SHROOM3: variants seen among roughly 807,000 people sequenced by gnomAD.
SHROOM3 encodes protein Shroom3.
SHROOM3 carries 47 observed loss-of-function variants against 138.6 expected under a neutral mutation model. The observed-to-expected ratio is 0.34, with a 90% CI of 0.27 to 0.43. The LOEUF (loss-of-function observed/expected upper bound fraction) is 0.43, where lower values mean the gene tolerates loss of function less well. Among genes scored for constraint, SHROOM3 ranks in the 20% least tolerant of loss-of-function variants. SHROOM3 has a pLI of 1.00. For missense variants in SHROOM3, 2,491 were observed against 2,596.5 expected (o/e 0.96, Z 0.88); for synonymous variants, 1,062 against 1,063.3 (o/e 1.00, Z 0.02).
chr4:76,573,894 G>A (rs759181703), intron 2 of SHROOM3, among the ~76,000 whole-genome samples: 15 of 152,290 alleles, frequency 9.8e-5, no homozygotes, highest in South Asian at 2.1e-4. Flanking sequence ...GCTGGTTGCC[G>A]TCTGATGTCT....
chr4:76,628,403 C>T (rs1444450066), intron 2 of SHROOM3, among the ~76,000 whole-genome samples: 1 of 152,084 alleles, frequency 6.6e-6, no homozygotes, highest in Admixed American at 6.6e-5. Flanking sequence ...TTGGATCTCT[C>T]ATGTGTTTCT....
At chr4:76,658,150 G>T (rs538435464) in intron 2 of SHROOM3, among the ~76,000 whole-genome samples, 2 of 152,348 alleles carry the variant, frequency 1.3e-5, no homozygotes, top group East Asian at 3.9e-4. Context: ...GGAAAGCACA[G>T]ATCAGATCTG....
At chr4:76,494,987 C>A (rs1225183439) in intron 1 of SHROOM3, among the ~76,000 whole-genome samples, 1 of 152,202 alleles carries the variant, frequency 6.6e-6, no homozygotes, top group Non-Finnish European at 1.5e-5. Context: ...TTCAGAACAG[C>A]TTTCTTCTAT....
intron 1 of SHROOM3, among the ~76,000 whole-genome samples, chr4:76,454,572 C>G (rs1462138002): frequency 6.6e-6 from 1 of 152,094 alleles, no homozygotes; most frequent in Non-Finnish European, 1.5e-5. Context: ...TAGCTTTGTA[C>G]TAAGTAAATT....
intron 2 of SHROOM3, chr4:76,559,251 C>T (rs901584025): frequency 2.0e-5 from 3 of 152,178 alleles, no homozygotes; most frequent in Non-Finnish European, 2.9e-5. Flanking sequence ...ATCAACACGC[C>T]TCCAGAGACA....
rs1204367957 is a variant in SHROOM3, at chr4:76,576,899, T to C, written c.323+21136T>C. ...TTTTAAAAATAAAAATAAAGGACTT[T>C]GGTGATTAAAGCAAAAATAAAAACT... On this transcript the variant is annotated intron_variant, in intron 2 of 10. Transcript: ENST00000296043. 6.6e-5 allele frequency among the ~76,000 whole-genome samples: 10 copies of C among 152,090 alleles called. No homozygotes were observed. The South Asian group carries it at 1.7e-3, about 25-fold the overall frequency.
chr4:76,459,521 G>A (rs1412806935), intron 1 of SHROOM3, among the ~76,000 whole-genome samples: 1 of 152,082 alleles, frequency 6.6e-6, no homozygotes, highest in Admixed American at 6.5e-5. Context: ...TCGATTTGCC[G>A]TCAGGCCTCA....
rs1475238857 is a variant in SHROOM3 at position 76,710,243 on chromosome 4, G to A, written c.411G>A (p.Arg137=). The A allele has an allele frequency of 6.2e-7, 1 of 1,614,120 alleles. No individual in the cohort carries two copies. Among genetic ancestry groups the A allele is most frequent in the Non-Finnish European group, 8.5e-7 (1 of 1,179,998 alleles). The change falls in exon 3 of 11, where the codon AGG becomes AGA. Residue 137 remains arginine, a synonymous_variant. Coordinates refer to ENST00000296043, the MANE Select transcript of SHROOM3 (RefSeq NM_020859.4). ...ACCTCACCTCTGGCCCCCAGCACAG[G>A]AAAGCAGCGTGGTCAGGAGGGGTTA... ...PEHLTSGPQH[R]KAAWSGGVKL... is the part of the protein sequence containing the mutation.
Position 76,739,378 on chromosome 4 carries a change from G to C in SHROOM3, c.1205G>C (p.Ser402Thr). 1 of 1,614,106 alleles carries C rather than the reference G, an allele frequency of 6.2e-7. No homozygotes were observed. The highest frequency in any genetic ancestry group is 1.6e-4 in the Middle Eastern group (1 of 6,062). Residue 402 changes from serine to threonine, a missense_variant, in exon 5 of 11, where the codon AGC becomes ACC. By Grantham distance (58) the Ser-to-Thr change is moderately conservative. This residue lies in a region of SHROOM3 where 1,733 missense variants were observed against 1,661.6 expected (regional missense o/e 1.04). Transcript: ENST00000296043. ...YAAFRHRERPSSWSSLDQKRL... is the reference protein window; with the variant it reads ...YAAFRHRERPTSWSSLDQKRL... ...GCATTTCGGCACCGTGAGCGGCCCAGCTCCTGGTCTAGCCTTGATCAGAAA... is the reference window on the plus strand; with the variant it reads ...GCATTTCGGCACCGTGAGCGGCCCACCTCCTGGTCTAGCCTTGATCAGAAA...
chr4:76,689,441 G>A, intron 2 of SHROOM3: 1 of 831,306 alleles, frequency 1.2e-6, no homozygotes, highest in Non-Finnish European at 1.4e-6. Flanking sequence ...GGGACGAGAG[G>A]TGGGCGAGCG....
chr4:76,584,623 C>T (rs1453818894), intron 2 of SHROOM3, among the ~76,000 whole-genome samples: 4 of 152,198 alleles, frequency 2.6e-5, no homozygotes, highest in Non-Finnish European at 5.9e-5. Context: ...AAACGTCAAA[C>T]ATGACCATTC....
intron 2 of SHROOM3, among the ~76,000 whole-genome samples, chr4:76,705,279 A>G (rs1476910507): frequency 1.3e-5 from 2 of 151,984 alleles, no homozygotes; most frequent in East Asian, 1.9e-4. Flanking sequence ...AGACCAGCTC[A>G]GGCAATGTAG....
intron 7 of SHROOM3, 119 bp from the exon 8 acceptor site, chr4:76,756,329 CA>C: frequency 8.5e-7 from 1 of 1,182,018 alleles, no homozygotes; most frequent in South Asian, 1.4e-5. Flanking sequence ...TGGAAAGCTA[CA>C]GCCCTGATGT....
chr4:76,736,017 G>T (rs1721060445), intron 4 of SHROOM3, among the ~76,000 whole-genome samples: 1 of 151,130 alleles, frequency 6.6e-6, no homozygotes, highest in South Asian at 2.1e-4. Context: ...TTCAATGAAA[G>T]ACTGCTAAAA....
At chr4:76,527,142 A>G (rs947739861) in intron 1 of SHROOM3, among the ~76,000 whole-genome samples, 7 of 152,192 alleles carry the variant, frequency 4.6e-5, no homozygotes, top group African/African-American at 1.7e-4. Flanking sequence ...AAGATCCATT[A>G]TGTAGAGGTC....
intron 2 of SHROOM3, among the ~76,000 whole-genome samples, chr4:76,627,363 GCCA>G (rs1735176355): frequency 3.9e-5 from 6 of 152,154 alleles, no homozygotes; most frequent in Admixed American, 3.9e-4. Context: ...CAACCCAACA[GCCA>G]TGTCTTTAGA....
At position 76,511,189 on chromosome 4, in the gene SHROOM3, AAT is replaced by A. The variant is rs1491561897; in HGVS notation, c.169-44418_169-44417del. Among the ~76,000 whole-genome samples the A allele has an allele frequency of 5.0e-5, 7 of 140,704 alleles. No homozygotes were observed. In the East Asian group the frequency reaches 6.2e-4, roughly 13 times the overall value. 92.3% of individuals were successfully genotyped at this position (140,704 alleles called of 152,430 possible). On this transcript the variant is annotated intron_variant, in intron 1 of 10. Coordinates refer to ENST00000296043, the MANE Select transcript of SHROOM3 (RefSeq NM_020859.4). ...AAGAGGGAAACTCCATCTCAAAAAT[AAT>A]AATAATAATAATAATAATGCCACAG...
intron 1 of SHROOM3, among the ~76,000 whole-genome samples, chr4:76,463,511 G>C (rs554235260): frequency 6.6e-6 from 1 of 152,208 alleles, no homozygotes; most frequent in Non-Finnish European, 1.5e-5. Flanking sequence ...TTCTGGGAAG[G>C]AATTCAAGCC....
intron 1 of SHROOM3, among the ~76,000 whole-genome samples, chr4:76,476,510 G>T (rs899323661): frequency 1.3e-5 from 2 of 152,118 alleles, no homozygotes; most frequent in African/African-American, 4.8e-5. Context: ...TCTAGACATT[G>T]GGTTTTCTTA....
Sources: allele counts gnomAD v4.1 joint callset (sites outside exome capture counted in the v4.1 genomes callset), GRCh38; gene constraint gnomAD v4.1.1; regional missense constraint gnomAD v4.1.1; transcripts MANE v1.5; gene names NCBI Gene and HGNC (gene_info 2026-07-23, HGNC 2026-07-21).